Variants in G6PC1 observed in about 807,000 individuals in gnomAD.
G6PC1 encodes the protein glucose-6-phosphatase catalytic subunit 1.
A neutral mutation model predicts 30.4 loss-of-function variants in G6PC1; 23 were observed. That is an observed-to-expected ratio of 0.76 (90% CI 0.55 to 1.07). The LOEUF is 1.07. Ranked by LOEUF, G6PC1 falls within the 50% of genes least tolerant of loss-of-function variation. The pLI is 0.00. For missense variants in G6PC1, 391 were observed against 433.9 expected (o/e 0.90, Z 0.88); for synonymous variants, 163 against 175.6 (o/e 0.93, Z 0.57).
chr17:42,903,927 A>G lies in G6PC1; in HGVS notation c.231-4A>G, dbSNP rs1200297208. 3 of 1,601,046 alleles carry G rather than the reference A, an allele frequency of 1.9e-6. No individual in the cohort carries two copies. Among genetic ancestry groups the G allele is most frequent in the Non-Finnish European group, 2.6e-6 (3 of 1,168,196 alleles). ...CCCCAGAAACTTGTTCTGTTTTTCC[A>G]TAGGATTCTCTTTGGACAGCGTCCA... On this transcript the variant is annotated splice_region_variant and splice_polypyrimidine_tract_variant and intron_variant, in intron 1 of 4. Coordinates refer to ENST00000253801, the MANE Select transcript of G6PC1 (RefSeq NM_000151.4).
At position 42,911,680 on chromosome 17, in the gene G6PC1, G is replaced by A; in HGVS notation, c.*254G>A. 1 of 545,690 alleles carries A rather than the reference G, an allele frequency of 1.8e-6. No homozygotes were observed. The highest frequency in any genetic ancestry group is 3.3e-5 in the East Asian group (1 of 30,516). 33.8% of individuals were successfully genotyped at this position (545,690 alleles called of 1,614,324 possible). On this transcript the variant is annotated 3_prime_UTR_variant, in exon 5 of 5. Transcript: ENST00000253801. ...TACACCATATGCAAGTTTCCCGCCA[G>A]GAGGTCCTCCTCTCTCTACTTGAAT...
At chr17:42,903,456 G>A (rs2056039642) in intron 1 of G6PC1, among the ~76,000 whole-genome samples, 2 of 151,480 alleles carry the variant, frequency 1.3e-5, no homozygotes, top group South Asian at 4.2e-4. Flanking sequence ...GCTCATGCCT[G>A]TAATCCCAGC....
Position 42,905,426 on chromosome 17 carries a change from A to G in G6PC1, c.340+1386A>G, listed in dbSNP as rs1370273468. ...ATGAGACACCATCTGAAAAAAAAAAAAAAATATATATATATATACACACAC... is the reference window on the plus strand; with the variant it reads ...ATGAGACACCATCTGAAAAAAAAAAGAAAATATATATATATATACACACAC... On this transcript the variant is annotated intron_variant, in intron 2 of 4. Transcript: ENST00000253801. Among the ~76,000 whole-genome samples the G allele has an allele frequency of 3.0e-4, 41 of 135,234 alleles. 1 individual carries two copies. Among genetic ancestry groups the G allele is most frequent in the African/African-American group, 1.3e-3 (41 of 31,962 alleles). 88.7% of individuals were successfully genotyped at this position (135,234 alleles called of 152,430 possible).
intron 3 of G6PC1, 108 bp from the exon 4 acceptor site, chr17:42,909,195 C>A: frequency 1.2e-6 from 1 of 860,090 alleles, no homozygotes; most frequent in Non-Finnish European, 2.0e-6. Flanking sequence ...TACAAAAATT[C>A]CACTGAGAGC....
intron 2 of G6PC1, 99 bp from the exon 3 acceptor site, chr17:42,907,424 G>T: frequency 2.6e-6 from 2 of 769,690 alleles, no homozygotes; most frequent in South Asian, 2.9e-5. Flanking sequence ...ATGGGTAGAT[G>T]GGTGGATAGG....
Position 42,907,512 on chromosome 17 carries a change from C to G in G6PC1, c.341-11C>G. On this transcript the variant is annotated splice_polypyrimidine_tract_variant and intron_variant, in intron 2 of 4. Coordinates refer to ENST00000253801, the MANE Select transcript of G6PC1 (RefSeq NM_000151.4). Reference sequence around the variant, plus strand: ...TTTCACCTTTACTCCATTCTCTTTCCTGCCCTTTAGGGAGCCCCTCTGGCC... The same window carrying G: ...TTTCACCTTTACTCCATTCTCTTTCGTGCCCTTTAGGGAGCCCCTCTGGCC... 6.3e-7 allele frequency: 1 copy of G among 1,596,412 alleles called. No individual in the cohort carries two copies. Among genetic ancestry groups the G allele is most frequent in the South Asian group, 1.1e-5 (1 of 90,522 alleles).
At chr17:42,903,055 T>G (rs1444541404) in intron 1 of G6PC1, among the ~76,000 whole-genome samples, 1 of 151,090 alleles carries the variant, frequency 6.6e-6, no homozygotes, top group Non-Finnish European at 1.5e-5. Context: ...AAAAGTCACA[T>G]AGCTGCCATT....
rs144652516 is a variant in G6PC1 at position 42,900,894 on chromosome 17, T to A, written c.18T>A (p.Asn6Lys). 6 of 1,614,038 alleles carry A rather than the reference T, an allele frequency of 3.7e-6. No homozygotes were observed. Among genetic ancestry groups the A allele is most frequent in the Non-Finnish European group, 4.2e-6 (5 of 1,179,912 alleles). ...AAATGAGGATGGAGGAAGGAATGAA[T>A]GTTCTCCATGACTTTGGGATCCAGT... is the stretch of plus-strand genomic sequence containing the variant. Reference protein sequence around the residue: MEEGMNVLHDFGIQST... With the variant: MEEGMKVLHDFGIQST... Residue 6 changes from asparagine (N) to lysine (K), a missense_variant, in exon 1 of 5, where the codon AAT becomes AAA. Transcript: ENST00000253801.
chr17:42,908,169 C>T (rs1464320057), intron 3 of G6PC1, among the ~76,000 whole-genome samples: 2 of 151,826 alleles, frequency 1.3e-5, no homozygotes, highest in Non-Finnish European at 2.9e-5. Flanking sequence ...TAGCTGGGAC[C>T]ACAGGCCACA....
chr17:42,913,404 GCT>G lies in G6PC1; in HGVS notation c.*1981_*1982del, dbSNP rs1307938508. On this transcript the variant is annotated 3_prime_UTR_variant, in exon 5 of 5. Transcript: ENST00000253801. ...TAATTCTGGCCCAACTAAATTTCTAGCTCTGTTTCCCTAAACAAATAATTTGG... is the reference window on the plus strand; with the variant it reads ...TAATTCTGGCCCAACTAAATTTCTAGCTGTTTCCCTAAACAAATAATTTGG... 1 of 152,154 alleles carries G rather than the reference GCT, an allele frequency of 6.6e-6. No homozygotes were observed. The highest frequency in any genetic ancestry group is 2.4e-5 in the African/African-American group (1 of 41,430). 9.4% of individuals were successfully genotyped at this position (152,154 alleles called of 1,614,324 possible).
rs138509513 is a variant in G6PC1 at position 42,911,138 on chromosome 17, C to G, written c.786C>G (p.Leu262=). The change falls in exon 5 of 5, where the codon CTC becomes CTG. Residue 262 remains leucine (L), a synonymous_variant. Transcript: ENST00000253801. ...ACACCACACCCTTTGCCAGCCTCCT[C>G]AAGAACCTGGGCACGCTCTTTGGCC... ...HIDTTPFASL[L]KNLGTLFGLG... 2 of 1,614,154 alleles carry G rather than the reference C, an allele frequency of 1.2e-6. No homozygotes were observed. Among genetic ancestry groups the G allele is most frequent in the East Asian group, 4.5e-5 (2 of 44,872 alleles).
intron 2 of G6PC1, among the ~76,000 whole-genome samples, chr17:42,906,080 GGTATATAATT>G (rs898620181): frequency 1.3e-5 from 2 of 150,644 alleles, no homozygotes; most frequent in Admixed American, 6.6e-5. Flanking sequence ...AATTACCCAA[GGTATATAATT>G]GTTAGTGTTA....
In G6PC1 at chr17:42,900,815, C is replaced by A; in HGVS notation, c.-62C>A. The A allele has an allele frequency of 7.2e-7, 1 of 1,384,242 alleles. No individual in the cohort carries two copies. The highest frequency in any genetic ancestry group is 1.0e-6 in the Non-Finnish European group (1 of 977,016). 85.7% of individuals were successfully genotyped at this position (1,384,242 alleles called of 1,614,324 possible). ...CAGACTCATAGCAGAGCAATCACCA[C>A]CAAGCCTGGAATAACTGCAAGGGCT... On this transcript the variant is annotated 5_prime_UTR_variant, in exon 1 of 5. Transcript: ENST00000253801.
intron 3 of G6PC1, 103 bp downstream of exon 3, chr17:42,907,731 C>A: frequency 1.3e-6 from 1 of 784,726 alleles, no homozygotes; most frequent in Non-Finnish European, 2.2e-6. Context: ...AGCCCGCTCC[C>A]ACACCTGGGC....
chr17:42,901,016 T>G lies in G6PC1; in HGVS notation c.140T>G (p.Phe47Cys). The change falls in exon 1 of 5, where the codon TTC becomes TGC. Residue 47 changes from phenylalanine (F) to cysteine (C), a missense_variant. Phe to Cys is a radical substitution (Grantham distance 205). Transcript: ENST00000253801. ...CTCAGGAATGCCTTCTACGTCCTCT[T>G]CCCCATCTGGTTCCATCTTCAGGAA... is the stretch of plus-strand genomic sequence containing the variant. ...ADLRNAFYVL[F>C]PIWFHLQEAV... The G allele has an allele frequency of 6.2e-7, 1 of 1,614,188 alleles. No homozygotes were observed. Among genetic ancestry groups the G allele is most frequent in the Non-Finnish European group, 8.5e-7 (1 of 1,180,036 alleles).
At chr17:42,902,885 G>C (rs957219821) in intron 1 of G6PC1, among the ~76,000 whole-genome samples, 3 of 151,984 alleles carry the variant, frequency 2.0e-5, no homozygotes, top group African/African-American at 4.8e-5. Context: ...TGTTTCCCTG[G>C]GGGGGGCTCG....
rs76156285 is a variant in G6PC1 at position 42,913,958 on chromosome 17, G to A, written c.*2532G>A. ...AATGGATTTCCTGAGGGTAAGCTCCGCTATTTCACACCTGAACTCCGGAGT... is the reference window on the plus strand; with the variant it reads ...AATGGATTTCCTGAGGGTAAGCTCCACTATTTCACACCTGAACTCCGGAGT... On this transcript the variant is annotated 3_prime_UTR_variant, in exon 5 of 5. Coordinates refer to ENST00000253801, the MANE Select transcript of G6PC1 (RefSeq NM_000151.4). 6.5e-3 allele frequency among the ~76,000 whole-genome samples: 995 copies of A among 152,202 alleles called. 9 individuals are homozygous for A. Among genetic ancestry groups the A allele is most frequent in the Admixed American group, 0.026 (402 of 15,286 alleles).
Position 42,900,952 on chromosome 17 carries a change from T to C in G6PC1, c.76T>C (p.Ser26Pro). The C allele has an allele frequency of 6.2e-7, 1 of 1,614,142 alleles. No individual in the cohort carries two copies. Among genetic ancestry groups the C allele is most frequent in the South Asian group, 1.1e-5 (1 of 91,070 alleles). ...THYLQVNYQD[S>P]QDWFILVSVI... ...TTACCTCCAGGTGAATTACCAAGACTCCCAGGACTGGTTCATCTTGGTGTC... is the reference window on the plus strand; with the variant it reads ...TTACCTCCAGGTGAATTACCAAGACCCCCAGGACTGGTTCATCTTGGTGTC... The change falls in exon 1 of 5, where the codon TCC becomes CCC. Residue 26 changes from serine (S) to proline (P), a missense_variant. Transcript: ENST00000253801.
In G6PC1 at chr17:42,913,533, G is replaced by A. The variant is rs776939484; in HGVS notation, c.*2107G>A. ...AGGGAGACTTAAATGCATCCACAGGGGCACAGGCAGAGTTGAGCACATAAA... is the reference window on the plus strand; with the variant it reads ...AGGGAGACTTAAATGCATCCACAGGAGCACAGGCAGAGTTGAGCACATAAA... On this transcript the variant is annotated 3_prime_UTR_variant, in exon 5 of 5. Coordinates refer to ENST00000253801, the MANE Select transcript of G6PC1 (RefSeq NM_000151.4). 6.6e-6 allele frequency among the ~76,000 whole-genome samples: 1 copy of A among 152,124 alleles called. No individual in the cohort carries two copies. The highest frequency in any genetic ancestry group is 1.5e-5 in the Non-Finnish European group (1 of 68,042).
Sources: allele counts gnomAD v4.1 joint callset (sites outside exome capture counted in the v4.1 genomes callset), GRCh38; gene constraint gnomAD v4.1.1; transcripts MANE v1.5; gene names NCBI Gene and HGNC (gene_info 2026-07-23, HGNC 2026-07-21).